Variants in FANCC observed in about 807,000 individuals in gnomAD.
FANCC encodes FA complementation group C, also known as Fanconi anemia group C protein.
In FANCC, 55 loss-of-function variants were observed where a neutral mutation model predicts 71.3. The ratio of observed to expected loss-of-function variants is 0.77; its 90% confidence interval spans 0.62 to 0.97. The LOEUF (loss-of-function observed/expected upper bound fraction) is 0.97, where lower values mean the gene tolerates loss of function less well. Ranked by LOEUF, FANCC falls within the 50% of genes least tolerant of loss-of-function variation. FANCC has a pLI of 0.00. For missense variants in FANCC, 678 were observed against 670.9 expected (o/e 1.01, Z -0.12); for synonymous variants, 275 against 244.9 (o/e 1.12, Z -1.15).
intron 1 of FANCC, 70 bp from the exon 2 acceptor site, chr9:95,249,439 T>C: frequency 1.3e-6 from 1 of 754,406 alleles, no homozygotes; most frequent in Non-Finnish European, 2.3e-6. Context: ...GACCCATTGA[T>C]GGGTGAAGGA....
chr9:95,146,773 G>A (rs1363529319), intron 7 of FANCC, among the ~76,000 whole-genome samples: 5 of 151,840 alleles, frequency 3.3e-5, no homozygotes, highest in Non-Finnish European at 7.4e-5. Context: ...AGTAGTCAGA[G>A]GCCATGCAAC....
In FANCC at chr9:95,099,632, G is replaced by T. The variant is rs936125215; in HGVS notation, c.*2075C>A. 8.6e-6 allele frequency: 2 copies of T among 231,606 alleles called. No individual in the cohort carries two copies. Among genetic ancestry groups the T allele is most frequent in the Non-Finnish European group, 8.5e-6 (1 of 117,126 alleles). 14.3% of individuals were successfully genotyped at this position (231,606 alleles called of 1,614,324 possible). Reference sequence around the variant, plus strand: ...TTGAGCATCTCTCAGGCTGGGAAAGGGCAAAGGGCCACATGAAGCCAGCAG... The same window carrying T: ...TTGAGCATCTCTCAGGCTGGGAAAGTGCAAAGGGCCACATGAAGCCAGCAG... On this transcript the variant is annotated 3_prime_UTR_variant, in exon 15 of 15. Transcript: ENST00000289081.
intron 8 of FANCC, among the ~76,000 whole-genome samples, chr9:95,129,416 G>C (rs375680388): frequency 6.6e-6 from 1 of 151,962 alleles, no homozygotes; most frequent in African/African-American, 2.4e-5. Context: ...TTTGGAAGCC[G>C]TATCTTCCCC....
chr9:95,157,565 C>T (rs571850750), intron 6 of FANCC, among the ~76,000 whole-genome samples: 10 of 152,310 alleles, frequency 6.6e-5, no homozygotes, highest in East Asian at 5.8e-4. Flanking sequence ...ACATGGTTAC[C>T]GTCTAGCCTT....
At chr9:95,155,237 A>G (rs1460383747) in intron 6 of FANCC, among the ~76,000 whole-genome samples, 1 of 41,702 alleles carries the variant, frequency 2.4e-5, no homozygotes, top group Non-Finnish European at 4.7e-5. Context: ...GCGAGAGAAA[A>G]GAGAGAGGGG....
chr9:95,190,571 C>G (rs1408580181), intron 4 of FANCC, among the ~76,000 whole-genome samples: 1 of 152,216 alleles, frequency 6.6e-6, no homozygotes, highest in Non-Finnish European at 1.5e-5. Flanking sequence ...GTGGGATCCA[C>G]CCCTGCACCC....
intron 1 of FANCC, among the ~76,000 whole-genome samples, chr9:95,250,642 T>C (rs561314842): frequency 3.4e-4 from 52 of 152,232 alleles, no homozygotes; most frequent in African/African-American, 1.2e-3. Flanking sequence ...CTAGATAATG[T>C]CCATGCCTCC....
At chr9:95,234,030 T>C (rs1247077240) in intron 4 of FANCC, among the ~76,000 whole-genome samples, 1 of 152,160 alleles carries the variant, frequency 6.6e-6, no homozygotes, top group Non-Finnish European at 1.5e-5. Flanking sequence ...CTGCTGATTA[T>C]GCTATCTAAC....
In FANCC at chr9:95,101,192, A is replaced by G. The variant is rs2071060184; in HGVS notation, c.*515T>C. 1 of 253,750 alleles carries G rather than the reference A, an allele frequency of 3.9e-6. No homozygotes were observed. The highest frequency in any genetic ancestry group is 1.2e-4 in the South Asian group (1 of 8,070). The allele number at this position is 253,750 out of a possible 1,614,324, so 15.7% of individuals were successfully genotyped here. ...GGCAGGTCCAGGGAGACACAAGGGA[A>G]GCCTGAGGGACCCTGACTCCCCTTG... On this transcript the variant is annotated 3_prime_UTR_variant, in exon 15 of 15. Transcript: ENST00000289081.
intron 7 of FANCC, among the ~76,000 whole-genome samples, chr9:95,149,484 T>G (rs964781816): frequency 6.8e-6 from 1 of 147,470 alleles, no homozygotes; most frequent in Non-Finnish European, 1.5e-5. Flanking sequence ...CCTCAGTAAT[T>G]TTTTTTTTTT....
In FANCC at chr9:95,240,712, T is replaced by A; in HGVS notation, c.282A>T (p.Leu94Phe). ...GTGGTTCTTTGTTAATTAGACAACA[T>A]AAGCACCATATTAGAATTTTTTGGC... ...DESQKILIWC[L>F]CCLINKEPQN... Residue 94 changes from leucine (L) to phenylalanine (F), a missense_variant, in exon 4 of 15, where the codon TTA (leucine) becomes TTT (phenylalanine). Leu to Phe is a conservative substitution (Grantham distance 22). Coordinates refer to ENST00000289081, the MANE Select transcript of FANCC (RefSeq NM_000136.3). 1.2e-6 allele frequency: 2 copies of A among 1,613,004 alleles called. No homozygotes were observed. Among genetic ancestry groups the A allele is most frequent in the Admixed American group, 3.3e-5 (2 of 59,998 alleles).
At chr9:95,153,184 T>A (rs1402039530) in intron 6 of FANCC, among the ~76,000 whole-genome samples, 1 of 152,254 alleles carries the variant, frequency 6.6e-6, no homozygotes, top group Admixed American at 6.5e-5. Flanking sequence ...CTGCAAATAT[T>A]ATTTTGTTCC....
At chr9:95,256,531 A>G (rs1474284678) in intron 1 of FANCC, among the ~76,000 whole-genome samples, 2 of 152,182 alleles carry the variant, frequency 1.3e-5, no homozygotes, top group African/African-American at 4.8e-5. Flanking sequence ...AGAGCTCTTG[A>G]AGGAAGTATT....
At chr9:95,198,937 G>A (rs1291434580) in intron 4 of FANCC, among the ~76,000 whole-genome samples, 12 of 151,948 alleles carry the variant, frequency 7.9e-5, no homozygotes, top group Non-Finnish European at 7.4e-5. Context: ...CCAGGGTGTC[G>A]CTATGTTGCC....
chr9:95,310,893 C>CACA, intron 1 of FANCC, among the ~76,000 whole-genome samples: 1 of 152,244 alleles, frequency 6.6e-6, no homozygotes, highest in African/African-American at 2.4e-5. Context: ...ATAATATGAA[C>CACA]TGCAGTGCAC....
chr9:95,293,063 C>G (rs915164932), intron 1 of FANCC: 46 of 1,603,026 alleles, frequency 2.9e-5, no homozygotes, highest in Non-Finnish European at 3.8e-5. Context: ...AACAAGACCA[C>G]TGAATCATTT....
At chr9:95,255,538 C>T (rs762746173) in intron 1 of FANCC, among the ~76,000 whole-genome samples, 2 of 152,074 alleles carry the variant, frequency 1.3e-5, no homozygotes, top group African/African-American at 4.8e-5. Context: ...AAACCCCATC[C>T]GAAGGTCACT....
intron 7 of FANCC, among the ~76,000 whole-genome samples, chr9:95,141,959 A>AT (rs1828766692): frequency 6.7e-6 from 1 of 149,926 alleles, no homozygotes; most frequent in African/African-American, 2.4e-5. Context: ...AATAATGGTA[A>AT]TAGTAATATG....
chr9:95,234,512 G>A (rs922096446), intron 4 of FANCC, among the ~76,000 whole-genome samples: 5 of 152,186 alleles, frequency 3.3e-5, no homozygotes, highest in African/African-American at 1.2e-4. Context: ...TTAATGCTAA[G>A]TTCCAATATT....
Sources: allele counts gnomAD v4.1 joint callset (sites outside exome capture counted in the v4.1 genomes callset), GRCh38; gene constraint gnomAD v4.1.1; transcripts MANE v1.5; gene names NCBI Gene and HGNC (gene_info 2026-07-23, HGNC 2026-07-21).